IMPG1: variants seen among roughly 807,000 people sequenced by gnomAD.
IMPG1 encodes the protein interphotoreceptor matrix proteoglycan of 150 kDa.
In IMPG1, 85 loss-of-function variants were observed where a neutral mutation model predicts 92.0. The ratio of observed to expected loss-of-function variants is 0.92; its 90% CI spans 0.78 to 1.11. The LOEUF (loss-of-function observed/expected upper bound fraction) is 1.11. Ranked by LOEUF, IMPG1 falls within the 50% of genes least tolerant of loss-of-function variation. The probability of loss-of-function intolerance (pLI) is 0.00; values close to 1 mark genes in which losing one functional copy is unlikely to be tolerated. For missense variants in IMPG1, 1,022 were observed against 956.0 expected (o/e 1.07, Z -0.91); for synonymous variants, 367 against 334.1 (o/e 1.10, Z -1.08).
intron 12 of IMPG1, among the ~76,000 whole-genome samples, chr6:75,971,418 C>A (rs61268540): frequency 2.0e-5 from 3 of 151,654 alleles, no homozygotes; most frequent in African/African-American, 7.3e-5. Context: ...TGTATACATA[C>A]GTAACTAACC....
intron 1 of IMPG1, among the ~76,000 whole-genome samples, chr6:76,049,258 G>A (rs1019593572): frequency 6.6e-6 from 1 of 152,122 alleles, no homozygotes; most frequent in Non-Finnish European, 1.5e-5. Flanking sequence ...CTTAATAGCT[G>A]GGTGATGAAA....
At chr6:75,977,944 G>T (rs1227290779) in intron 12 of IMPG1, among the ~76,000 whole-genome samples, 1 of 151,956 alleles carries the variant, frequency 6.6e-6, no homozygotes, top group East Asian at 1.9e-4. Flanking sequence ...TCTTAGAGAT[G>T]GGGTCTTGCT....
chr6:76,070,046 G>A (rs1350038983), intron 1 of IMPG1, among the ~76,000 whole-genome samples: 4 of 152,158 alleles, frequency 2.6e-5, no homozygotes, highest in Admixed American at 6.6e-5. Flanking sequence ...CTAAGTACCT[G>A]CATGATGGGG....
chr6:76,042,085 C>G lies in IMPG1; in HGVS notation c.109G>C (p.Asp37His), dbSNP rs764126517. The change falls in exon 2 of 17, where the codon GAC becomes CAC. Residue 37 changes from aspartate to histidine, a missense_variant. By Grantham distance (81) the Asp-to-His change is moderately conservative (BLOSUM62 -1). Transcript: ENST00000369950. ...GTTGTTTCATTTCTTGGGGGATTGT[C>G]TATGTCTTTAGTTTCAGAATGGTAT... ...NIYHSETKDIDNPPRNETTES... is the reference protein window; with the variant it reads ...NIYHSETKDIHNPPRNETTES... 2 of 1,605,510 alleles carry G rather than the reference C, an allele frequency of 1.2e-6. No individual in the cohort carries two copies. The highest frequency in any genetic ancestry group is 1.1e-5 in the South Asian group (1 of 90,884).
intron 12 of IMPG1, among the ~76,000 whole-genome samples, chr6:75,996,242 T>C (rs1582093001): frequency 2.0e-5 from 3 of 152,014 alleles, no homozygotes; most frequent in East Asian, 3.9e-4. Context: ...ACTTACATGA[T>C]ATAAGGGAGG....
chr6:76,033,158 C>T (rs2149487560), intron 4 of IMPG1, among the ~76,000 whole-genome samples: 1 of 152,234 alleles, frequency 6.6e-6, no homozygotes, highest in South Asian at 2.1e-4. Flanking sequence ...AGAGAAGGCC[C>T]TGTGGAAAGA....
chr6:76,029,669 C>T (rs1170018549), intron 4 of IMPG1, among the ~76,000 whole-genome samples: 1 of 152,208 alleles, frequency 6.6e-6, no homozygotes, highest in Admixed American at 6.5e-5. Context: ...AGCAATTATC[C>T]TGCAAATCCT....
intron 12 of IMPG1, among the ~76,000 whole-genome samples, chr6:75,954,314 G>A (rs1306820145): frequency 3.9e-5 from 6 of 152,180 alleles, no homozygotes; most frequent in Non-Finnish European, 8.8e-5. Context: ...TCTAACTGGT[G>A]TGAGATGGTA....
rs1319055064 is a variant in IMPG1 at position 76,018,427 on chromosome 6, T to A, written c.807+291A>T. Among the ~76,000 whole-genome samples the A allele has an allele frequency of 5.3e-5, 8 of 152,344 alleles. No individual in the cohort carries two copies. The South Asian group carries it at 1.7e-3, about 32-fold the overall frequency. On this transcript the variant is annotated intron_variant, in intron 7 of 16. Coordinates refer to ENST00000369950, the MANE Select transcript of IMPG1 (RefSeq NM_001563.4). The stretch of plus-strand genomic sequence containing the variant: ...AATGAATTGTTTATTTCTGGAATTT[T>A]CAATTTAATATTTTTGGACTATGGT...
chr6:76,062,881 A>G (rs1784230248), intron 1 of IMPG1, among the ~76,000 whole-genome samples: 2 of 147,578 alleles, frequency 1.4e-5, no homozygotes, highest in Admixed American at 6.8e-5. Context: ...TTCCCCTAGT[A>G]TGGCTAACTG....
chr6:75,936,377 A>C (rs1781745907), intron 14 of IMPG1, among the ~76,000 whole-genome samples: 2 of 152,216 alleles, frequency 1.3e-5, no homozygotes, highest in Non-Finnish European at 2.9e-5. Context: ...GTTTTTGTTG[A>C]TCGCTTATTT....
chr6:75,994,325 T>C (rs1782862649), intron 12 of IMPG1, among the ~76,000 whole-genome samples: 1 of 152,226 alleles, frequency 6.6e-6, no homozygotes, highest in Non-Finnish European at 1.5e-5. Context: ...AGGTCTGAGA[T>C]AGAAATCTTG....
intron 10 of IMPG1, among the ~76,000 whole-genome samples, chr6:76,004,462 C>T (rs140009515): frequency 1.3e-5 from 2 of 152,260 alleles, no homozygotes; most frequent in East Asian, 1.9e-4. Context: ...CCTGGCCCTT[C>T]GTCTTGTCTC....
chr6:75,982,409 CA>C (rs1018726044), intron 12 of IMPG1, among the ~76,000 whole-genome samples: 1 of 151,778 alleles, frequency 6.6e-6, no homozygotes, highest in Non-Finnish European at 1.5e-5. Context: ...GGCATGGTGG[CA>C]CATGTCTGTA....
chr6:75,987,088 T>TA (rs1782728962), intron 12 of IMPG1, among the ~76,000 whole-genome samples: 1 of 152,178 alleles, frequency 6.6e-6, no homozygotes, highest in Admixed American at 6.5e-5. Flanking sequence ...ATAGGGCAGT[T>TA]AAGGCCTAGG....
chr6:76,050,213 G>A (rs528281621), intron 1 of IMPG1, among the ~76,000 whole-genome samples: 1 of 152,246 alleles, frequency 6.6e-6, no homozygotes, highest in East Asian at 1.9e-4. Context: ...GCTGAGGTGG[G>A]TGGATCACTT....
At chr6:76,055,349 A>G (rs9360969) in intron 1 of IMPG1, among the ~76,000 whole-genome samples, 43,045 of 151,886 alleles carry the variant, frequency 0.28, 6,290 homozygotes, top group Middle Eastern at 0.33. Flanking sequence ...ATTAGAGAGT[A>G]TTTTTCTGAA....
intron 6 of IMPG1, among the ~76,000 whole-genome samples, chr6:76,019,639 A>G (rs971171123): frequency 6.6e-6 from 1 of 152,242 alleles, no homozygotes; most frequent in African/African-American, 2.4e-5. Flanking sequence ...ATGTGGATTC[A>G]CATTTAAAAG....
rs1047021493 is a variant in IMPG1, at chr6:76,057,625, G to T, written c.67+14797C>A. On this transcript the variant is annotated intron_variant, in intron 1 of 16. Coordinates refer to ENST00000369950, the MANE Select transcript of IMPG1 (RefSeq NM_001563.4). Reference sequence around the variant, plus strand: ...GGGAGGGGTAAAATTCCCTCTTAAGGGTATTGCATTTGCACATGCCTGGGG... The same window carrying T: ...GGGAGGGGTAAAATTCCCTCTTAAGTGTATTGCATTTGCACATGCCTGGGG... Among the ~76,000 whole-genome samples, 9 of 152,068 alleles carry T rather than the reference G, an allele frequency of 5.9e-5. No individual in the cohort carries two copies. The South Asian group carries it at 1.9e-3, about 32-fold the overall frequency.
Sources: gnomAD v4.1 joint callset for allele counts (sites outside exome capture counted in the v4.1 genomes callset) on GRCh38, gnomAD v4.1.1 for gene constraint, MANE v1.5 for transcripts, NCBI Gene and HGNC (gene_info 2026-07-23, HGNC 2026-07-21) for gene names.